The following CATSPER1 variants were observed in gnomAD, a reference collection of about 807,000 sequenced individuals.
The protein encoded by CATSPER1 is cation channel sperm-associated protein 1.
A neutral mutation model predicts 72.7 loss-of-function variants in CATSPER1; 57 were observed. That is an observed-to-expected ratio of 0.78 (90% CI 0.63 to 0.98). The LOEUF (loss-of-function observed/expected upper bound fraction) is 0.98. Among genes scored for constraint, CATSPER1 ranks in the 50% least tolerant of loss-of-function variants. The probability of loss-of-function intolerance (pLI) is 0.00; values close to 1 mark genes in which losing one functional copy is unlikely to be tolerated. For missense variants in CATSPER1, 910 were observed against 1,033.9 expected, an observed-to-expected ratio of 0.88 and a Z score of 1.64; for synonymous variants, 363 against 403.0, an observed-to-expected ratio of 0.90 and a Z score of 1.19.
chr11:66,017,194 T>TGGGGGGGGGGGGGGGGGGGGCCCC lies in CATSPER1; in HGVS notation c.2202-21_2202-20insGGGGCCCCCCCCCCCCCCCCCCCC. Reference sequence around the variant, plus strand: ...TGCTGCCTGCGGGTGGGCGGGGGGGTCGCAGAGACAGGGGCTGGGCTGACC... The same window carrying TGGGGGGGGGGGGGGGGGGGGCCCC: ...TGCTGCCTGCGGGTGGGCGGGGGGGTGGGGGGGGGGGGGGGGGGGGCCCCCGCAGAGACAGGGGCTGGGCTGACC... On this transcript the variant is annotated intron_variant, in intron 10 of 11. Transcript: ENST00000312106. 1.8e-6 allele frequency: 1 copy of TGGGGGGGGGGGGGGGGGGGGCCCC among 550,268 alleles called. No homozygotes were observed. The highest frequency in any genetic ancestry group is 3.4e-6 in the Non-Finnish European group (1 of 295,846). 34.1% of individuals were successfully genotyped at this position (550,268 alleles called of 1,614,324 possible).
chr11:66,022,847 A>T lies in CATSPER1; in HGVS notation c.1429+2T>A, dbSNP rs768641238. ...ATGGGAACAGGACTCCCTGGCTCTT[A>T]CCGCCCCGGATCTCGACTTCAGCGA... On this transcript the variant is annotated splice_donor_variant, in intron 2 of 11. Transcript: ENST00000312106. LOFTEE classifies it high-confidence loss of function. 2 of 1,614,044 alleles carry T rather than the reference A, an allele frequency of 1.2e-6. No individual in the cohort carries two copies. Among genetic ancestry groups the T allele is most frequent in the South Asian group, 2.2e-5 (2 of 91,074 alleles).
At chr11:66,023,137 C>G in intron 1 of CATSPER1, 76 bp from the exon 2 acceptor site, 1 of 1,376,278 alleles carries the variant, frequency 7.3e-7, no homozygotes, top group Non-Finnish European at 1.0e-6. Context: ...CAGCCTGGCT[C>G]AGCGTCCATG....
Position 66,025,920 on chromosome 11 carries a change from A to T in CATSPER1, c.460T>A (p.Tyr154Asn). 1 of 1,612,824 alleles carries T rather than the reference A, an allele frequency of 6.2e-7. No homozygotes were observed. Among genetic ancestry groups the T allele is most frequent in the Non-Finnish European group, 8.5e-7 (1 of 1,179,696 alleles). ...HRGSHHGRPQ[Y>N]LGENLSHYSS... The stretch of plus-strand genomic sequence containing the variant: ...TAGTGGGATAAATTCTCACCGAGAT[A>T]TTGGGGTCTGCCATGGTGAGACCCC... Residue 154 changes from tyrosine (Y) to asparagine (N), a missense_variant, in exon 1 of 12, where the codon TAT (tyrosine) becomes AAT (asparagine). Coordinates refer to ENST00000312106, the MANE Select transcript of CATSPER1 (RefSeq NM_053054.4).
Position 66,017,088 on chromosome 11 carries a change from A to G in CATSPER1, c.2288T>C (p.Ile763Thr). The G allele has an allele frequency of 6.2e-7, 1 of 1,607,948 alleles. No homozygotes were observed. Among genetic ancestry groups the G allele is most frequent in the Non-Finnish European group, 8.5e-7 (1 of 1,176,634 alleles). Residue 763 changes from isoleucine to threonine, a missense_variant, in exon 11 of 12, where the codon ATC becomes ACC. Ile to Thr is a moderately conservative substitution (Grantham distance 89). Coordinates refer to ENST00000312106, the MANE Select transcript of CATSPER1 (RefSeq NM_053054.4). Reference protein sequence around the residue: ...QQKFRSQAAVIDEIVDTTFEA... With the variant: ...QQKFRSQAAVTDEIVDTTFEA... ...AAATGTGGTGTCCACAATCTCATCGATGACGGCTGCCTGGGAGCGGAACTT... is the reference window on the plus strand; with the variant it reads ...AAATGTGGTGTCCACAATCTCATCGGTGACGGCTGCCTGGGAGCGGAACTT...
intron 1 of CATSPER1, among the ~76,000 whole-genome samples, chr11:66,024,287 T>C (rs1417540741): frequency 2.1e-5 from 3 of 143,350 alleles, no homozygotes; most frequent in Admixed American, 6.8e-5. Flanking sequence ...TTTTTTTTTT[T>C]TTTTTTTTCC....
rs747086335 is a variant in CATSPER1 at position 66,026,428 on chromosome 11, A to G, written c.-49T>C. 6 of 1,605,264 alleles carry G rather than the reference A, an allele frequency of 3.7e-6. No individual in the cohort carries two copies. In the Admixed American group the frequency reaches 6.7e-5, roughly 18 times the overall value. ...CAAAAGAGCTCAAGACCTGGGCCCA[A>G]CAGGCCCCGCCTGGATTTCCCTTCT... On this transcript the variant is annotated 5_prime_UTR_variant, in exon 1 of 12. Transcript: ENST00000312106.
Position 66,020,964 on chromosome 11 carries a change from C to G in CATSPER1, c.1784-10G>C. On this transcript the variant is annotated splice_polypyrimidine_tract_variant and intron_variant, in intron 5 of 11. Coordinates refer to ENST00000312106, the MANE Select transcript of CATSPER1 (RefSeq NM_053054.4). The surrounding 1 kb of genome is among the most constrained non-coding windows in gnomAD (Gnocchi z 4.5). The stretch of plus-strand genomic sequence containing the variant: ...ACCGCGGAGAAGAGGACTGGCTGTT[C>G]AGGGCCAAACTCAGCTCTCCAGTGC... 1 of 1,613,758 alleles carries G rather than the reference C, an allele frequency of 6.2e-7. No homozygotes were observed. The highest frequency in any genetic ancestry group is 8.5e-7 in the Non-Finnish European group (1 of 1,180,018).
intron 10 of CATSPER1, 61 bp downstream of exon 10, chr11:66,018,766 C>A: frequency 6.4e-7 from 1 of 1,565,688 alleles, no homozygotes. Context: ...TCCAGCCCTC[C>A]AGCCAGGCCC....
rs1450616609 is a variant in CATSPER1, at chr11:66,020,974, C to T, written c.1784-20G>A. The T allele has an allele frequency of 2.5e-6, 4 of 1,613,676 alleles. No homozygotes were observed. The highest frequency in any genetic ancestry group is 2.2e-5 in the East Asian group (1 of 44,892). On this transcript the variant is annotated intron_variant, in intron 5 of 11. Coordinates refer to ENST00000312106, the MANE Select transcript of CATSPER1 (RefSeq NM_053054.4). This position sits in a 1 kb window ranked among gnomAD's most constrained non-coding sequence, Gnocchi z 4.5. The stretch of plus-strand genomic sequence containing the variant: ...AGAGGACTGGCTGTTCAGGGCCAAA[C>T]TCAGCTCTCCAGTGCTATCCCCACC...
rs775400715 is a variant in CATSPER1 at position 66,022,961 on chromosome 11, C to A, written c.1317G>T (p.Met439Ile). The A allele has an allele frequency of 8.7e-6, 14 of 1,614,096 alleles. No homozygotes were observed. In the African/African-American group the frequency reaches 1.9e-4, roughly 22 times the overall value. The stretch of plus-strand genomic sequence containing the variant: ...CCAAGGATTGGGTCAGGTTCCGGAT[C>A]ATTTCCCGGAAGCCCTGAATGAGGA... ...LTFLIQGFREMIRNLTQSLAF... is the reference protein window; with the variant it reads ...LTFLIQGFREIIRNLTQSLAF... Residue 439 changes from methionine (M) to isoleucine (I), a missense_variant, in exon 2 of 12, where the codon ATG becomes ATT. Physicochemically the swap from Met to Ile is conservative, Grantham distance 10. Coordinates refer to ENST00000312106, the MANE Select transcript of CATSPER1 (RefSeq NM_053054.4).
In CATSPER1 at chr11:66,021,852, A is replaced by T. The variant is rs142758999; in HGVS notation, c.1457T>A (p.Ile486Lys). Residue 486 changes from isoleucine (I) to lysine (K), a missense_variant, in exon 3 of 12, where the codon ATA becomes AAA. Transcript: ENST00000312106. ...TTCCACCACGTAGATGCAGAAGAAT[A>T]TGGAGTCCAAGGCCATGAAGTACCA... Reference protein sequence around the residue: ...GEWYFMALDSIFFCIYVVEAL... With the variant: ...GEWYFMALDSKFFCIYVVEAL... The T allele has an allele frequency of 3.0e-5, 48 of 1,614,030 alleles. No homozygotes were observed. The Admixed American group carries it at 6.8e-4, about 23-fold the overall frequency.
chr11:66,021,126 G>A lies in CATSPER1; in HGVS notation c.1751C>T (p.Ala584Val). Residue 584 changes from alanine (A) to valine (V), a missense_variant, in exon 5 of 12, where the codon GCA becomes GTA. By Grantham distance (64) the Ala-to-Val change is moderately conservative (BLOSUM62 0). Transcript: ENST00000312106. ...GTLGQSLPSI[A>V]AILILMFTCL... is the part of the protein sequence containing the mutation. ...GGTAAACATGAGGATGAGGATGGCT[G>A]CGATGGACGGCAAGGACTGGCCCAG... 5.0e-6 allele frequency: 8 copies of A among 1,613,376 alleles called. No individual in the cohort carries two copies. Among genetic ancestry groups the A allele is most frequent in the Non-Finnish European group, 6.8e-6 (8 of 1,179,784 alleles).
chr11:66,025,287 GA>G lies in CATSPER1; in HGVS notation c.1092del (p.Arg365GlyfsTer65), dbSNP rs1856472643. 6.2e-7 allele frequency: 1 copy of G among 1,614,058 alleles called. No homozygotes were observed. The highest frequency in any genetic ancestry group is 1.1e-5 in the South Asian group (1 of 91,086). ...CGTGAGCGGATTGTGCTGGAGGACCGAGTCATGCTGTGAGCCGAGCCCCGTG... is the reference window on the plus strand; with the variant it reads ...CGTGAGCGGATTGTGCTGGAGGACCGGTCATGCTGTGAGCCGAGCCCCGTG... ...AHPRGSAHSM[T>X]RSSSTIRSRV... On this transcript the variant is annotated frameshift_variant, in exon 1 of 12. Coordinates refer to ENST00000312106, the MANE Select transcript of CATSPER1 (RefSeq NM_053054.4). LOFTEE classifies it high-confidence loss of function.
rs766690264 is a variant in CATSPER1 at position 66,020,185 on chromosome 11, G to A, written c.2080C>T (p.Gln694Ter). Residue 694 changes from glutamine to a stop codon, truncating the protein, a stop_gained, in exon 9 of 12, where the codon CAA becomes TAA. Transcript: ENST00000312106. LOFTEE classifies it high-confidence loss of function. The surrounding 1 kb of genome is among the most constrained non-coding windows in gnomAD (Gnocchi z 4.5). ...KAKQERAARI[Q>*]EKLLEDSLTE... Reference sequence around the variant, plus strand: ...AGTGAGTCTTCCAGCAGCTTCTCTTGGATCCGGGCGGCCCTCTGGGAAGAA... The same window carrying A: ...AGTGAGTCTTCCAGCAGCTTCTCTTAGATCCGGGCGGCCCTCTGGGAAGAA... 1 of 1,613,714 alleles carries A rather than the reference G, an allele frequency of 6.2e-7. No individual in the cohort carries two copies. The highest frequency in any genetic ancestry group is 8.5e-7 in the Non-Finnish European group (1 of 1,180,034).
In CATSPER1 at chr11:66,020,099, T is replaced by G. The variant is rs1440414176; in HGVS notation, c.2125+41A>C. The G allele has an allele frequency of 6.2e-7, 1 of 1,603,210 alleles. No homozygotes were observed. Among genetic ancestry groups the G allele is most frequent in the African/African-American group, 1.3e-5 (1 of 74,700 alleles). ...GGGGGATGGAGAGACTGGCCCCCAC[T>G]GCGGACGGGCAGGTGGGGCCAGGGC... On this transcript the variant is annotated intron_variant, in intron 9 of 11. Transcript: ENST00000312106. The surrounding 1 kb of genome is among the most constrained non-coding windows in gnomAD (Gnocchi z 4.5).
At chr11:66,021,397 C>T in intron 4 of CATSPER1, 99 bp downstream of exon 4, 20 of 1,474,894 alleles carry the variant, frequency 1.4e-5, no homozygotes, top group Non-Finnish European at 1.8e-5. Context: ...CCTGCGCCCC[C>T]ATCCCTTGAG....
Position 66,022,918 on chromosome 11 carries a change from A to T in CATSPER1, c.1360T>A (p.Phe454Ile), listed in dbSNP as rs748289034. Residue 454 changes from phenylalanine (F) to isoleucine (I), a missense_variant, in exon 2 of 12, where the codon TTC becomes ATC. Coordinates refer to ENST00000312106, the MANE Select transcript of CATSPER1 (RefSeq NM_053054.4). ...TQSLAFETFIFFVVCLNTVML... is the reference protein window; with the variant it reads ...TQSLAFETFIIFVVCLNTVML... ...ACGGTGTTGAGGCAGACAACGAAGA[A>T]GATGAAAGTTTCAAAGGCCAAGGAT... 1.2e-6 allele frequency: 2 copies of T among 1,614,136 alleles called. No individual in the cohort carries two copies. Among genetic ancestry groups the T allele is most frequent in the African/African-American group, 1.3e-5 (1 of 74,938 alleles).
chr11:66,025,141 TG>T (rs761012716), intron 1 of CATSPER1, 22 bp downstream of exon 1: 13 of 1,613,856 alleles, frequency 8.1e-6, no homozygotes, highest in Non-Finnish European at 1.0e-5. Context: ...GGAGTTGGCA[TG>T]GGGGGCCCAG....
rs772479034 is a variant in CATSPER1, at chr11:66,026,423, G to C, written c.-44C>G. 1 of 1,606,104 alleles carries C rather than the reference G, an allele frequency of 6.2e-7. No homozygotes were observed. The highest frequency in any genetic ancestry group is 1.1e-5 in the South Asian group (1 of 90,980). On this transcript the variant is annotated 5_prime_UTR_variant, in exon 1 of 12. Coordinates refer to ENST00000312106, the MANE Select transcript of CATSPER1 (RefSeq NM_053054.4). ...GGAGCCAAAAGAGCTCAAGACCTGG[G>C]CCCAACAGGCCCCGCCTGGATTTCC...
Sources: allele counts gnomAD v4.1 joint callset (sites outside exome capture counted in the v4.1 genomes callset), GRCh38; gene constraint gnomAD v4.1.1; non-coding constraint Gnocchi (gnomAD v3.1); transcripts MANE v1.5; gene names NCBI Gene and HGNC (gene_info 2026-07-23, HGNC 2026-07-21).